Variants in SGCZ observed in about 807,000 individuals in gnomAD.
The protein encoded by SGCZ is zeta-sarcoglycan.
A neutral mutation model predicts 41.3 loss-of-function variants in SGCZ; 40 were observed. The ratio of observed to expected loss-of-function variants is 0.97; its 90% confidence interval spans 0.75 to 1.26. SGCZ has a LOEUF of 1.26. Ranked by LOEUF, SGCZ falls within the 50% of genes most tolerant of loss-of-function variation. The pLI, the probability that SGCZ is intolerant of heterozygous loss-of-function variation, is 0.00. For synonymous variants in SGCZ, 206 were observed against 137.5 expected, an observed-to-expected ratio of 1.50 and a Z score of -3.49; for missense variants, 552 against 369.8, an observed-to-expected ratio of 1.49 and a Z score of -4.04.
intron 2 of SGCZ, among the ~76,000 whole-genome samples, chr8:14,443,417 A>T (rs1045317241): frequency 6.6e-6 from 1 of 152,160 alleles, no homozygotes; most frequent in Non-Finnish European, 1.5e-5. Context: ...ACTATACTAC[A>T]AGGCTACAGT....
At chr8:14,127,301 G>C (rs767236001) in intron 5 of SGCZ, among the ~76,000 whole-genome samples, 4 of 152,094 alleles carry the variant, frequency 2.6e-5, no homozygotes, top group Non-Finnish European at 4.4e-5. Context: ...AGGTTACAGA[G>C]TAACAATAAT....
At chr8:14,344,187 G>C (rs1802811156) in intron 2 of SGCZ, among the ~76,000 whole-genome samples, 1 of 152,004 alleles carries the variant, frequency 6.6e-6, no homozygotes, top group Non-Finnish European at 1.5e-5. Context: ...AAAAACAAGT[G>C]AATAGGGGTA....
At chr8:15,164,413 A>C (rs905255587) in intron 1 of SGCZ, among the ~76,000 whole-genome samples, 2 of 151,978 alleles carry the variant, frequency 1.3e-5, no homozygotes, top group Admixed American at 1.3e-4. Flanking sequence ...CCATGACAGG[A>C]CTGGGACGCA....
At chr8:14,493,224 C>G (rs1801892743) in intron 2 of SGCZ, among the ~76,000 whole-genome samples, 1 of 151,838 alleles carries the variant, frequency 6.6e-6, no homozygotes, top group South Asian at 2.1e-4. Context: ...TTGTATTTCT[C>G]CCTCCTCTCC....
intron 1 of SGCZ, among the ~76,000 whole-genome samples, chr8:15,223,157 T>C: frequency 6.6e-6 from 1 of 152,154 alleles, no homozygotes; most frequent in South Asian, 2.1e-4. Context: ...TAATCTGAAA[T>C]TGAAATAAAC....
chr8:14,733,108 A>T (rs1459785008), intron 1 of SGCZ, among the ~76,000 whole-genome samples: 1 of 152,120 alleles, frequency 6.6e-6, no homozygotes, highest in Non-Finnish European at 1.5e-5. Flanking sequence ...TAAAACAATC[A>T]ATCCACAGCC....
chr8:15,006,632 T>C (rs6530826), intron 1 of SGCZ, among the ~76,000 whole-genome samples: 76,057 of 151,990 alleles, frequency 0.5, 19,275 homozygotes, highest in South Asian at 0.55. Flanking sequence ...ATTAAAAATA[T>C]AAGAAATCAC....
At chr8:14,704,087 A>G (rs1450127837) in intron 1 of SGCZ, among the ~76,000 whole-genome samples, 1 of 152,024 alleles carries the variant, frequency 6.6e-6, no homozygotes, top group Non-Finnish European at 1.5e-5. Context: ...GAAATCAGGA[A>G]TCATGTCCGT....
chr8:15,204,395 G>A (rs1345485568), intron 1 of SGCZ, among the ~76,000 whole-genome samples: 1 of 152,160 alleles, frequency 6.6e-6, no homozygotes, highest in Non-Finnish European at 1.5e-5. Flanking sequence ...TAGGAAAATA[G>A]CATGAATTAA....
intron 1 of SGCZ, among the ~76,000 whole-genome samples, chr8:14,911,973 AACT>A (rs1363006750): frequency 1.3e-5 from 2 of 152,126 alleles, no homozygotes; most frequent in East Asian, 3.9e-4. Context: ...TATTCTAATA[AACT>A]ACTGCTTACA....
chr8:14,254,665 T>C (rs993598708), intron 3 of SGCZ, among the ~76,000 whole-genome samples: 14 of 152,222 alleles, frequency 9.2e-5, no homozygotes, highest in Non-Finnish European at 1.5e-5. Context: ...ATATTTTAAA[T>C]GTCATCCTTT....
chr8:14,585,965 T>A (rs886203054), intron 1 of SGCZ, among the ~76,000 whole-genome samples: 1 of 152,092 alleles, frequency 6.6e-6, no homozygotes, highest in African/African-American at 2.4e-5. Flanking sequence ...GAAAGTCACC[T>A]GGTGGCATTA....
intron 3 of SGCZ, among the ~76,000 whole-genome samples, chr8:14,267,191 A>G (rs1019897304): frequency 3.4e-4 from 52 of 152,084 alleles, no homozygotes; most frequent in African/African-American, 1.0e-3. Flanking sequence ...GGATTAAGTA[A>G]TATCCTTGAC....
chr8:15,049,339 T>C (rs1804431859), intron 1 of SGCZ, among the ~76,000 whole-genome samples: 1 of 151,990 alleles, frequency 6.6e-6, no homozygotes, highest in Non-Finnish European at 1.5e-5. Flanking sequence ...ATCCAAAAGA[T>C]TGCTAGCATG....
chr8:15,072,943 G>T (rs114033342), intron 1 of SGCZ, among the ~76,000 whole-genome samples: 1,776 of 152,272 alleles, frequency 0.012, 28 homozygotes, highest in African/African-American at 0.04. Context: ...TGTCCACAGA[G>T]ATGCAGCTTG....
chr8:14,563,253 T>G (rs1417397471), intron 1 of SGCZ, among the ~76,000 whole-genome samples: 1 of 152,194 alleles, frequency 6.6e-6, no homozygotes, highest in Non-Finnish European at 1.5e-5. Flanking sequence ...CCTTTTCTAC[T>G]CCAAGAGTCT....
chr8:14,672,361 T>C (rs1441879870), intron 1 of SGCZ, among the ~76,000 whole-genome samples: 1 of 152,184 alleles, frequency 6.6e-6, no homozygotes, highest in East Asian at 1.9e-4. Flanking sequence ...ATTGGTCAGA[T>C]GTGCGATTTT....
At chr8:15,080,858 C>T (rs1023374375) in intron 1 of SGCZ, among the ~76,000 whole-genome samples, 1 of 152,044 alleles carries the variant, frequency 6.6e-6, no homozygotes, top group Non-Finnish European at 1.5e-5. Flanking sequence ...TCCCAAAGTG[C>T]TGGGATTACA....
chr8:14,756,078 G>A (rs1178558888), intron 1 of SGCZ, among the ~76,000 whole-genome samples: 1 of 151,986 alleles, frequency 6.6e-6, no homozygotes, highest in Non-Finnish European at 1.5e-5. Flanking sequence ...TCAGATTTCA[G>A]CAGCTATTTA....
Sources: allele counts gnomAD v4.1 joint callset (sites outside exome capture counted in the v4.1 genomes callset), GRCh38; gene constraint gnomAD v4.1.1; transcripts MANE v1.5; gene names NCBI Gene and HGNC (gene_info 2026-07-23, HGNC 2026-07-21).